PIGK: variants seen among roughly 807,000 people sequenced by gnomAD.
PIGK encodes the protein GPI-anchor transamidase.
PIGK carries 42 observed loss-of-function variants against 50.6 expected under a neutral mutation model. The observed-to-expected ratio is 0.83, with a 90% CI of 0.65 to 1.07. The LOEUF (loss-of-function observed/expected upper bound fraction) is 1.07. PIGK is among the 50% of genes least tolerant of loss of function. The probability of loss-of-function intolerance (pLI) is 0.00; values close to 1 mark genes in which losing one functional copy is unlikely to be tolerated. For missense variants in PIGK, 448 were observed against 488.7 expected (o/e 0.92, Z 0.78); for synonymous variants, 151 against 156.0 (o/e 0.97, Z 0.24).
In PIGK at chr1:77,116,485, G is replaced by A. The variant is rs146469952; in HGVS notation, c.1071+5790C>T. On this transcript the variant is annotated intron_variant, in intron 10 of 10. Coordinates refer to ENST00000370812, the MANE Select transcript of PIGK (RefSeq NM_005482.3). Reference sequence around the variant, plus strand: ...CAGGCGTGAGCCACCGTGCCTGGCCGAATTTCTCACACATCTTAAACCCCA... The same window carrying A: ...CAGGCGTGAGCCACCGTGCCTGGCCAAATTTCTCACACATCTTAAACCCCA... Among the ~76,000 whole-genome samples the A allele has an allele frequency of 2.6e-5, 4 of 151,750 alleles. No individual in the cohort carries two copies. In the East Asian group the frequency reaches 5.8e-4, roughly 22 times the overall value.
intron 9 of PIGK, among the ~76,000 whole-genome samples, chr1:77,137,137 T>C (rs751234098): frequency 2.1e-4 from 32 of 152,292 alleles, no homozygotes; most frequent in Non-Finnish European, 4.3e-4. Flanking sequence ...CAAAACGTCT[T>C]GCATGCTTTT....
chr1:77,132,921 T>G (rs1654411127), intron 9 of PIGK, among the ~76,000 whole-genome samples: 1 of 152,130 alleles, frequency 6.6e-6, no homozygotes, highest in Non-Finnish European at 1.5e-5. Flanking sequence ...ATGTCAGGCT[T>G]TCCTTCTCTG....
chr1:77,201,825 G>A (rs903974486), intron 3 of PIGK, among the ~76,000 whole-genome samples: 9 of 152,292 alleles, frequency 5.9e-5, no homozygotes, highest in African/African-American at 1.4e-4. Flanking sequence ...GGGAGGTCAA[G>A]GTGGGAGGAT....
At chr1:77,172,751 G>A (rs751568037) in intron 3 of PIGK, among the ~76,000 whole-genome samples, 14 of 151,808 alleles carry the variant, frequency 9.2e-5, no homozygotes, top group African/African-American at 2.2e-4. Context: ...GTGAAACCCC[G>A]TCTCTACAAA....
intron 2 of PIGK, among the ~76,000 whole-genome samples, 173 bp from the exon 3 acceptor site, chr1:77,206,904 T>C (rs1570264155): frequency 6.6e-6 from 1 of 152,174 alleles, no homozygotes; most frequent in South Asian, 2.1e-4. Context: ...CAGTGGCTCA[T>C]GCCTGTAATA....
chr1:77,215,506 T>C (rs1656538624), intron 1 of PIGK, among the ~76,000 whole-genome samples: 1 of 152,128 alleles, frequency 6.6e-6, no homozygotes, highest in Non-Finnish European at 1.5e-5. Flanking sequence ...TAGTGAACAG[T>C]ATGGAAGCTC....
At chr1:77,156,099 T>C (rs2100552379) in intron 8 of PIGK, among the ~76,000 whole-genome samples, 1 of 151,392 alleles carries the variant, frequency 6.6e-6, no homozygotes, top group East Asian at 1.9e-4. Flanking sequence ...AAAAGTAAAA[T>C]GCCAAACAGG....
At chr1:77,096,966 A>C (rs527517076) in intron 10 of PIGK, among the ~76,000 whole-genome samples, 2 of 146,988 alleles carry the variant, frequency 1.4e-5, no homozygotes, top group South Asian at 4.3e-4. Context: ...TTTAGGGTAC[A>C]TGTGTTTATT....
chr1:77,184,793 G>A (rs1655701744), intron 3 of PIGK, among the ~76,000 whole-genome samples: 1 of 152,170 alleles, frequency 6.6e-6, no homozygotes, highest in African/African-American at 2.4e-5. Flanking sequence ...CTGGTAGGGT[G>A]AGCACTATTA....
intron 3 of PIGK, among the ~76,000 whole-genome samples, chr1:77,172,352 T>C (rs2799569): frequency 0.039 from 5,897 of 152,226 alleles, 304 homozygotes; most frequent in African/African-American, 0.12. Context: ...AATCCAGTTG[T>C]TTCTGTATCT....
intron 1 of PIGK, among the ~76,000 whole-genome samples, chr1:77,214,798 T>C (rs1328629659): frequency 6.6e-6 from 1 of 152,118 alleles, no homozygotes; most frequent in African/African-American, 2.4e-5. Flanking sequence ...ACTAATTCAG[T>C]AAAGTTGCAA....
chr1:77,122,153 G>T (rs187368015), intron 10 of PIGK, 122 bp downstream of exon 10: 1 of 623,720 alleles, frequency 1.6e-6, no homozygotes, highest in East Asian at 2.8e-5. Context: ...TCTAAATAGG[G>T]ATAGACAGCC....
intron 1 of PIGK, among the ~76,000 whole-genome samples, chr1:77,215,130 C>G (rs993475869): frequency 6.6e-6 from 1 of 151,972 alleles, no homozygotes; most frequent in Admixed American, 6.6e-5. Flanking sequence ...ATATTCTTCA[C>G]AGAAATAGAA....
At chr1:77,172,465 T>G (rs556693684) in intron 3 of PIGK, among the ~76,000 whole-genome samples, 2 of 152,322 alleles carry the variant, frequency 1.3e-5, no homozygotes, top group South Asian at 4.1e-4. Flanking sequence ...TTCTGGGGGC[T>G]TGCCAATTAG....
At position 77,090,012 on chromosome 1, in the gene PIGK, T is replaced by A. The variant is rs1187974171; in HGVS notation, c.*2362A>T. ...ACATTGAGTAGCTTAGAAAGCTACA[T>A]AAGTGCACTGTGACCATTAACTTCC... is the stretch of plus-strand genomic sequence containing the variant. On this transcript the variant is annotated 3_prime_UTR_variant, in exon 11 of 11. Coordinates refer to ENST00000370812, the MANE Select transcript of PIGK (RefSeq NM_005482.3). 6.6e-6 allele frequency: 1 copy of A among 152,226 alleles called. No individual in the cohort carries two copies. Among genetic ancestry groups the A allele is most frequent in the Non-Finnish European group, 1.5e-5 (1 of 68,028 alleles). The allele number at this position is 152,226 out of a possible 1,614,324, so 9.4% of individuals were successfully genotyped here. A position where few individuals can be genotyped will look rare whatever the true frequency, so the allele number is the denominator to read the frequency against.
chr1:77,209,483 A>C (rs1045546612), intron 2 of PIGK, among the ~76,000 whole-genome samples: 4 of 152,188 alleles, frequency 2.6e-5, no homozygotes, highest in Non-Finnish European at 4.4e-5. Context: ...CAAAAAGTTA[A>C]GATAAAAATT....
At chr1:77,195,405 G>A (rs567382369) in intron 3 of PIGK, 2 of 1,094,706 alleles carry the variant, frequency 1.8e-6, no homozygotes, top group Admixed American at 2.3e-5. Flanking sequence ...AGGAGTGAGA[G>A]CTTAGGGTGC....
intron 4 of PIGK, among the ~76,000 whole-genome samples, chr1:77,167,228 GT>G (rs1655255705): frequency 1.3e-5 from 2 of 152,130 alleles, no homozygotes; most frequent in African/African-American, 4.8e-5. Context: ...ACATGCTCCT[GT>G]AGTTCTAGCT....
At chr1:77,204,460 C>T (rs1171678116) in intron 3 of PIGK, among the ~76,000 whole-genome samples, 1 of 152,102 alleles carries the variant, frequency 6.6e-6, no homozygotes, top group African/African-American at 2.4e-5. Flanking sequence ...TCACTCTGCC[C>T]CCATTTGCCA....
Sources: allele counts gnomAD v4.1 joint callset (sites outside exome capture counted in the v4.1 genomes callset), GRCh38; gene constraint gnomAD v4.1.1; transcripts MANE v1.5; gene names NCBI Gene and HGNC (gene_info 2026-07-23, HGNC 2026-07-21).